ARAP3: variants seen among roughly 807,000 people sequenced by gnomAD.
ARAP3 encodes arf-GAP with Rho-GAP domain, ANK repeat and PH domain-containing protein 3.
ARAP3 carries 82 observed loss-of-function variants against 169.2 expected under a neutral mutation model. That is an observed-to-expected ratio of 0.48 (90% CI 0.41 to 0.58). The LOEUF (loss-of-function observed/expected upper bound fraction) is 0.58, where lower values mean the gene tolerates loss of function less well. Among genes scored for constraint, ARAP3 ranks in the 20% least tolerant of loss-of-function variants. The pLI, the probability that ARAP3 is intolerant of heterozygous loss-of-function variation, is 0.00. For missense variants in ARAP3, 1,764 were observed against 2,018.0 expected (o/e 0.87, Z 2.41); for synonymous variants, 791 against 800.3 (o/e 0.99, Z 0.20).
At position 141,659,505 on chromosome 5, in the gene ARAP3, G is replaced by A. The variant is rs375876795; in HGVS notation, c.3268-29C>T. On this transcript the variant is annotated intron_variant, in intron 22 of 32. Transcript: ENST00000239440. ...TGAAAGAGCCAAAAGAGAGTGTTGGGGTGCTGGAAGAGGATCTGCCGGGAA... is the reference window on the plus strand; with the variant it reads ...TGAAAGAGCCAAAAGAGAGTGTTGGAGTGCTGGAAGAGGATCTGCCGGGAA... The A allele has an allele frequency of 7.4e-6, 12 of 1,611,080 alleles. No homozygotes were observed. The African/African-American group carries it at 1.2e-4, about 16-fold the overall frequency.
chr5:141,656,226 C>T lies in ARAP3; in HGVS notation c.3840G>A (p.Leu1280=), dbSNP rs766331562. 1.9e-6 allele frequency: 3 copies of T among 1,614,134 alleles called. No individual in the cohort carries two copies. The highest frequency in any genetic ancestry group is 1.1e-5 in the South Asian group (1 of 91,082). Residue 1280 remains leucine (L), a synonymous_variant, in exon 28 of 33, where the codon CTG becomes CTA. Coordinates refer to ENST00000239440, the MANE Select transcript of ARAP3 (RefSeq NM_022481.6). ...GGGGCTTTAACTTCTTGCGGATTCC[C>T]AGGTAGACCTTGGCACCTTCCAAAG... ...EWPLEGAKVY[L]GIRKKLKPPT...
rs762582404 is a variant in ARAP3, at chr5:141,666,513, C to T, written c.2483G>A (p.Arg828His). 6 of 1,603,376 alleles carry T rather than the reference C, an allele frequency of 3.7e-6. No homozygotes were observed. The highest frequency in any genetic ancestry group is 1.1e-5 in the South Asian group (1 of 89,004). ...TGAGCACAGGAAGAGGTGGTCACCA[C>T]GAAGGAGGCCAAACCCTGACAGCCA... ...GLWLSGFGLL[R>H]GDHLFLCSAP... The change falls in exon 17 of 33, where the codon CGT becomes CAT. Residue 828 changes from arginine (R) to histidine (H), a missense_variant. This residue lies in a region of ARAP3 where 1,112 missense variants were observed against 1,285.7 expected (regional missense o/e 0.86). Coordinates refer to ENST00000239440, the MANE Select transcript of ARAP3 (RefSeq NM_022481.6).
rs764952304 is a variant in ARAP3 at position 141,666,486 on chromosome 5, G to A, written c.2510C>T (p.Ala837Val). Residue 837 changes from alanine (A) to valine (V), a missense_variant, in exon 17 of 33, where the codon GCG (alanine) becomes GTG (valine). Physicochemically the swap from Ala to Val is moderately conservative, Grantham distance 64 (BLOSUM62 0). Around this residue, in one of 3 missense-constraint regions of ARAP3, gnomAD observed 1,112 missense variants for 1,285.7 expected, o/e 0.86. Coordinates refer to ENST00000239440, the MANE Select transcript of ARAP3 (RefSeq NM_022481.6). ...LRGDHLFLCS[A>V]PGPGPPAPED... ...AGGGGCTGGGGGGCCTGGGCCCGGC[G>A]CTGAGCACAGGAAGAGGTGGTCACC... The A allele has an allele frequency of 8.7e-6, 14 of 1,601,446 alleles. No homozygotes were observed. The highest frequency in any genetic ancestry group is 2.3e-5 in the East Asian group (1 of 43,878).
chr5:141,661,122 G>A (rs1396701620), intron 21 of ARAP3, among the ~76,000 whole-genome samples: 1 of 147,332 alleles, frequency 6.8e-6, no homozygotes, highest in Non-Finnish European at 1.5e-5. Flanking sequence ...GGAGTGAAGT[G>A]GTACAATCTT....
At position 141,668,936 on chromosome 5, in the gene ARAP3, G is replaced by A. The variant is rs1233037285; in HGVS notation, c.2352+773C>T. On this transcript the variant is annotated intron_variant, in intron 16 of 32. Coordinates refer to ENST00000239440, the MANE Select transcript of ARAP3 (RefSeq NM_022481.6). ...TTCTGACGCATTGTCAGGAGGGAAA[G>A]GAAGGCACCAGGGTGAAAAGTTGAA... Among the ~76,000 whole-genome samples the A allele has an allele frequency of 2.6e-5, 4 of 152,220 alleles. No individual in the cohort carries two copies. In the East Asian group the frequency reaches 7.7e-4, roughly 29 times the overall value.
At chr5:141,656,015 C>T in intron 29 of ARAP3, 49 bp downstream of exon 29, 1 of 1,613,916 alleles carries the variant, frequency 6.2e-7, no homozygotes, top group East Asian at 2.2e-5. Flanking sequence ...AGAGAAAAGA[C>T]AGGGTGCAGA....
chr5:141,666,462 G>T lies in ARAP3; in HGVS notation c.2534C>A (p.Pro845His). The change falls in exon 17 of 33, where the codon CCT (proline) becomes CAT (histidine). Residue 845 changes from proline to histidine, a missense_variant. Around this residue, in one of 3 missense-constraint regions of ARAP3, gnomAD observed 1,112 missense variants for 1,285.7 expected, o/e 0.86. Coordinates refer to ENST00000239440, the MANE Select transcript of ARAP3 (RefSeq NM_022481.6). ...CSAPGPGPPA[P>H]EDMVHLRRLQ... ...CCGCCGCAGATGCACCATGTCCTCA[G>T]GGGCTGGGGGGCCTGGGCCCGGCGC... is the stretch of plus-strand genomic sequence containing the variant. 6.3e-7 allele frequency: 1 copy of T among 1,596,504 alleles called. No individual in the cohort carries two copies.
rs2099909215 is a variant in ARAP3, at chr5:141,655,936, G to A, written c.3909-4C>T. On this transcript the variant is annotated splice_polypyrimidine_tract_variant and splice_region_variant and intron_variant, in intron 29 of 32. Coordinates refer to ENST00000239440, the MANE Select transcript of ARAP3 (RefSeq NM_022481.6). The stretch of plus-strand genomic sequence containing the variant: ...CTCGTCAGTGCAGGACAAGTAGCTG[G>A]GGTGATCAGAATGGAATCAGAGGGA... 1 of 1,613,910 alleles carries A rather than the reference G, an allele frequency of 6.2e-7. No homozygotes were observed. Among genetic ancestry groups the A allele is most frequent in the African/African-American group, 1.3e-5 (1 of 74,908 alleles).
intron 31 of ARAP3, 102 bp from the exon 32 acceptor site, chr5:141,655,502 GAAGGGAGGGGGACAGT>G: frequency 6.3e-7 from 1 of 1,580,678 alleles, no homozygotes; most frequent in Non-Finnish European, 8.7e-7. Context: ...GAAGAAGGCA[GAAGGGAGGGGGACAGT>G]GAGCATAGGG....
rs767455124 is a variant in ARAP3, at chr5:141,654,350, C to A, written c.4235G>T (p.Gly1412Val). ...VYEEPVYEEV[G>V]AFPELIQDTS... ...GTCCTGGATCAACTCAGGGAAGGCC[C>A]CTACTTCCTCATACACTGGCTCCTC... is the stretch of plus-strand genomic sequence containing the variant. The change falls in exon 33 of 33, where the codon GGG becomes GTG. Residue 1412 changes from glycine (G) to valine (V), a missense_variant. Coordinates refer to ENST00000239440, the MANE Select transcript of ARAP3 (RefSeq NM_022481.6). 59 of 1,613,886 alleles carry A rather than the reference C, an allele frequency of 3.7e-5. No individual in the cohort carries two copies. Among genetic ancestry groups the A allele is most frequent in the Non-Finnish European group, 5.0e-5 (59 of 1,179,970 alleles).
rs754120750 is a variant in ARAP3, at chr5:141,669,669, G to C, written c.2352+40C>G. 1.6e-5 allele frequency: 25 copies of C among 1,585,402 alleles called. No individual in the cohort carries two copies. The African/African-American group carries it at 3.4e-4, about 21-fold the overall frequency. On this transcript the variant is annotated intron_variant, in intron 16 of 32. Coordinates refer to ENST00000239440, the MANE Select transcript of ARAP3 (RefSeq NM_022481.6). The stretch of plus-strand genomic sequence containing the variant: ...GAAGATGGGAGCACGTGGGGACAAG[G>C]AAAGCATGAGATGCTGCAGAGGGCG...
At chr5:141,659,745 AG>A (rs1329248804) in intron 22 of ARAP3, 33 bp downstream of exon 22, 1 of 1,595,028 alleles carries the variant, frequency 6.3e-7, no homozygotes, top group African/African-American at 1.3e-5. Flanking sequence ...GGTAGGGGAA[AG>A]GGGTTGTGGG....
chr5:141,658,437 G>A lies in ARAP3; in HGVS notation c.3454C>T (p.Leu1152=). Residue 1152 remains leucine, a synonymous_variant, in exon 25 of 33, where the codon CTG becomes TTG. Coordinates refer to ENST00000239440, the MANE Select transcript of ARAP3 (RefSeq NM_022481.6). ...LTAEELTNQV[L]EMRGTAAGMD... ...CCAGCTGCTGTCCCCCGCATCTCCAGTACCTGGTTAGTCAGCTCCTCAGCA... is the reference window on the plus strand; with the variant it reads ...CCAGCTGCTGTCCCCCGCATCTCCAATACCTGGTTAGTCAGCTCCTCAGCA... The A allele has an allele frequency of 1.2e-6, 2 of 1,614,154 alleles. No individual in the cohort carries two copies. The highest frequency in any genetic ancestry group is 1.7e-6 in the Non-Finnish European group (2 of 1,180,034).
At chr5:141,666,058 T>A (rs56878128) in intron 17 of ARAP3, among the ~76,000 whole-genome samples, 11,983 of 106,086 alleles carry the variant, frequency 0.11, 603 homozygotes, top group South Asian at 0.15. Flanking sequence ...AAAAAAATAA[T>A]AATAATAATA....
At position 141,679,989 on chromosome 5, in the gene ARAP3, T is replaced by C. The variant is rs1382177121; in HGVS notation, c.498A>G (p.Arg166=). Residue 166 remains arginine, a synonymous_variant, in exon 2 of 33, where the codon AGA becomes AGG. Coordinates refer to ENST00000239440, the MANE Select transcript of ARAP3 (RefSeq NM_022481.6). ...TGTCCTGAGCTGCCTGTGCCCTGCC[T>C]CTTGAGTCCAGGCCGAAGTAGATGG... ...PNSIYFGLDS[R]GRAQAAQDKA... 6.2e-7 allele frequency: 1 copy of C among 1,614,064 alleles called. No individual in the cohort carries two copies. The highest frequency in any genetic ancestry group is 2.2e-5 in the East Asian group (1 of 44,896).
chr5:141,666,465 G>A lies in ARAP3; in HGVS notation c.2531C>T (p.Ala844Val), dbSNP rs754767613. Residue 844 changes from alanine (A) to valine (V), a missense_variant, in exon 17 of 33, where the codon GCC becomes GTC. Physicochemically the swap from Ala to Val is moderately conservative, Grantham distance 64. Around this residue, in one of 3 missense-constraint regions of ARAP3, gnomAD observed 1,112 missense variants for 1,285.7 expected, o/e 0.86. Coordinates refer to ENST00000239440, the MANE Select transcript of ARAP3 (RefSeq NM_022481.6). Reference sequence around the variant, plus strand: ...CCGCAGATGCACCATGTCCTCAGGGGCTGGGGGGCCTGGGCCCGGCGCTGA... The same window carrying A: ...CCGCAGATGCACCATGTCCTCAGGGACTGGGGGGCCTGGGCCCGGCGCTGA... Reference protein sequence around the residue: ...LCSAPGPGPPAPEDMVHLRRL... With the variant: ...LCSAPGPGPPVPEDMVHLRRL... 7 of 1,597,218 alleles carry A rather than the reference G, an allele frequency of 4.4e-6. No homozygotes were observed. The highest frequency in any genetic ancestry group is 6.0e-6 in the Non-Finnish European group (7 of 1,171,790).
In ARAP3 at chr5:141,653,790, G is replaced by T; in HGVS notation, c.*160C>A. ...CCAGAGAGGGGCCATGACCTGTCCT[G>T]GGACACGCAGCCACTGAAGCCTTTA... is the stretch of plus-strand genomic sequence containing the variant. On this transcript the variant is annotated 3_prime_UTR_variant, in exon 33 of 33. Transcript: ENST00000239440. The T allele has an allele frequency of 2.9e-6, 3 of 1,023,626 alleles. No individual in the cohort carries two copies. The highest frequency in any genetic ancestry group is 1.6e-5 in the African/African-American group (1 of 62,396). 63.4% of individuals were successfully genotyped at this position (1,023,626 alleles called of 1,614,324 possible).
At chr5:141,677,007 C>T (rs937466918) in intron 4 of ARAP3, among the ~76,000 whole-genome samples, 3 of 152,160 alleles carry the variant, frequency 2.0e-5, no homozygotes, top group South Asian at 2.1e-4. Context: ...CATCTCAGAC[C>T]GTGGCGGCTC....
Position 141,669,690 on chromosome 5 carries a change from G to T in ARAP3, c.2352+19C>A. 6.2e-7 allele frequency: 1 copy of T among 1,610,212 alleles called. No homozygotes were observed. The highest frequency in any genetic ancestry group is 8.5e-7 in the Non-Finnish European group (1 of 1,176,654). ...CAAGGAAAGCATGAGATGCTGCAGAGGGCGCTCTCCTGTCTCACCTTGCCC... is the reference window on the plus strand; with the variant it reads ...CAAGGAAAGCATGAGATGCTGCAGATGGCGCTCTCCTGTCTCACCTTGCCC... On this transcript the variant is annotated intron_variant, in intron 16 of 32. Transcript: ENST00000239440.
Sources: gnomAD v4.1 joint callset for allele counts (sites outside exome capture counted in the v4.1 genomes callset) on GRCh38, gnomAD v4.1.1 for gene constraint, gnomAD v4.1.1 regional missense constraint, MANE v1.5 for transcripts, NCBI Gene and HGNC (gene_info 2026-07-23, HGNC 2026-07-21) for gene names.